AKT3: variants seen among roughly 807,000 people sequenced by gnomAD.
The protein encoded by AKT3 is RAC-gamma serine/threonine-protein kinase.
Under a neutral mutation model 65.3 loss-of-function variants are expected in AKT3, and 15 were observed. The ratio of observed to expected loss-of-function variants is 0.23; its 90% CI spans 0.15 to 0.35. The LOEUF is 0.35. AKT3 is among the 10% of genes least tolerant of loss of function. The pLI is 1.00. For missense variants in AKT3, 243 were observed against 576.5 expected (o/e 0.42, Z 5.92); for synonymous variants, 206 against 183.8 (o/e 1.12, Z -0.98).
At chr1:243,681,347 A>C (rs186398287) in intron 3 of AKT3, among the ~76,000 whole-genome samples, 1 of 152,300 alleles carries the variant, frequency 6.6e-6, no homozygotes, top group East Asian at 1.9e-4. Flanking sequence ...AGAAATAATT[A>C]TCTGCTGCTG....
chr1:243,644,094 T>C (rs1680633640), intron 5 of AKT3, among the ~76,000 whole-genome samples: 1 of 152,230 alleles, frequency 6.6e-6, no homozygotes, highest in African/African-American at 2.4e-5. Context: ...TATAAGATCT[T>C]TTAATTGTAT....
At position 243,655,099 on chromosome 1, in the gene AKT3, T is replaced by C. The variant is rs1572110048; in HGVS notation, c.285-9062A>G. 3.3e-5 allele frequency among the ~76,000 whole-genome samples: 5 copies of C among 152,166 alleles called. No homozygotes were observed. In the South Asian group the frequency reaches 1.0e-3, roughly 31 times the overall value. On this transcript the variant is annotated intron_variant, in intron 4 of 13. Transcript: ENST00000673466. ...TCACCGCATTGTTTTTATCTTACAT[T>C]CTATTCTTAATTATTTTTATTTTCT... is the stretch of plus-strand genomic sequence containing the variant.
intron 13 of AKT3, among the ~76,000 whole-genome samples, chr1:243,509,164 C>T (rs770160763): frequency 2.6e-5 from 4 of 152,162 alleles, no homozygotes; most frequent in Non-Finnish European, 4.4e-5. Flanking sequence ...TATTTAAGAA[C>T]AGAGGTGCTG....
At chr1:243,595,652 T>A (rs1030530366) in intron 8 of AKT3, among the ~76,000 whole-genome samples, 1 of 152,164 alleles carries the variant, frequency 6.6e-6, no homozygotes, top group East Asian at 1.9e-4. Context: ...AAACACAGCA[T>A]ATACGTTAGC....
At position 243,804,846 on chromosome 1, in the gene AKT3, C is replaced by CA. The variant is rs796068774; in HGVS notation, c.46+38278dup. Among the ~76,000 whole-genome samples the CA allele has an allele frequency of 7.6e-3, 844 of 111,500 alleles. 10 individuals carry two copies. Among genetic ancestry groups the CA allele is most frequent in the South Asian group, 0.029 (105 of 3,670 alleles). 73.1% of individuals were successfully genotyped at this position (111,500 alleles called of 152,430 possible). A position where few individuals can be genotyped will look rare whatever the true frequency, so the allele number is the denominator to read the frequency against. On this transcript the variant is annotated intron_variant, in intron 2 of 13. Transcript: ENST00000673466. ...TGGGTGACAGAGCAAGACTCCATCT[C>CA]AAAAAAAAAAAACAAACAAAAAAGA...
At chr1:243,492,672 G>A (rs1666853399) in intron 13 of AKT3, among the ~76,000 whole-genome samples, 1 of 138,702 alleles carries the variant, frequency 7.2e-6, no homozygotes, top group Non-Finnish European at 1.5e-5. Flanking sequence ...CAATGGCATG[G>A]TCTTGGCCTA....
chr1:243,850,713 T>TC (rs1158325664), upstream of AKT3, among the ~76,000 whole-genome samples: 1 of 150,650 alleles, frequency 6.6e-6, no homozygotes, highest in Non-Finnish European at 1.5e-5. Context: ...CCGCCTCTGC[T>TC]CCCCTCCCTG....
At chr1:243,783,704 G>C (rs997411529) in intron 2 of AKT3, among the ~76,000 whole-genome samples, 8 of 152,096 alleles carry the variant, frequency 5.3e-5, no homozygotes, top group African/African-American at 1.9e-4. Context: ...ATAGTCTTCT[G>C]ACTGCTTGAA....
intron 1 of AKT3, among the ~76,000 whole-genome samples, chr1:243,849,091 C>T (rs1695636620): frequency 6.6e-6 from 1 of 152,228 alleles, no homozygotes. Flanking sequence ...GTGACCCCGC[C>T]TCGGCGTCAG....
At chr1:243,492,205 C>T (rs989432487) in intron 13 of AKT3, among the ~76,000 whole-genome samples, 1 of 151,578 alleles carries the variant, frequency 6.6e-6, no homozygotes, top group Admixed American at 6.6e-5. Flanking sequence ...TGCTTTTGGC[C>T]ACGAGAACCC....
chr1:243,670,410 A>G (rs1466683560), intron 3 of AKT3, among the ~76,000 whole-genome samples: 1 of 152,202 alleles, frequency 6.6e-6, no homozygotes, highest in Non-Finnish European at 1.5e-5. Flanking sequence ...AAAACTTTTG[A>G]GTTCTTGCAT....
chr1:243,680,108 CA>C (rs1683813288), intron 3 of AKT3, among the ~76,000 whole-genome samples: 1 of 152,052 alleles, frequency 6.6e-6, no homozygotes, highest in East Asian at 1.9e-4. Flanking sequence ...ACTATTCTGG[CA>C]GGTTTCAAAA....
At chr1:243,744,732 C>T (rs1262407129) in intron 2 of AKT3, among the ~76,000 whole-genome samples, 1 of 144,042 alleles carries the variant, frequency 6.9e-6, no homozygotes, top group East Asian at 2.0e-4. Flanking sequence ...GAGCGAGACT[C>T]CGTCTCAAAA....
chr1:243,562,836 T>C (rs1673892736), intron 10 of AKT3, among the ~76,000 whole-genome samples: 1 of 152,116 alleles, frequency 6.6e-6, no homozygotes, highest in Non-Finnish European at 1.5e-5. Flanking sequence ...TCATACATAG[T>C]GGAGAATAAA....
At chr1:243,507,767 T>C (rs186418843) in intron 13 of AKT3, among the ~76,000 whole-genome samples, 12 of 152,334 alleles carry the variant, frequency 7.9e-5, no homozygotes, top group Non-Finnish European at 1.3e-4. Flanking sequence ...CTTAGAACAT[T>C]TAACAAATGG....
At chr1:243,726,145 T>A (rs893586228) in intron 2 of AKT3, among the ~76,000 whole-genome samples, 1 of 152,238 alleles carries the variant, frequency 6.6e-6, no homozygotes, top group African/African-American at 2.4e-5. Flanking sequence ...CTGGGCATTT[T>A]AACAGATCTT....
chr1:243,775,598 T>C (rs973835389), intron 2 of AKT3, among the ~76,000 whole-genome samples: 1 of 152,146 alleles, frequency 6.6e-6, no homozygotes, highest in Non-Finnish European at 1.5e-5. Context: ...AGACAATGAC[T>C]ACCAAAAACG....
chr1:243,671,323 G>A (rs542118535), intron 3 of AKT3, among the ~76,000 whole-genome samples: 51 of 151,954 alleles, frequency 3.4e-4, no homozygotes, highest in Non-Finnish European at 6.8e-4. Context: ...CTCATGATCC[G>A]CCCACCTCGG....
intron 3 of AKT3, among the ~76,000 whole-genome samples, chr1:243,674,646 A>AAT: frequency 6.6e-6 from 1 of 152,308 alleles, no homozygotes; most frequent in South Asian, 2.1e-4. Flanking sequence ...AAGGTAGTCT[A>AAT]ATACTCTGCT....
Sources: gnomAD v4.1 joint callset for allele counts (sites outside exome capture counted in the v4.1 genomes callset) on GRCh38, gnomAD v4.1.1 for gene constraint, MANE v1.5 for transcripts, NCBI Gene and HGNC (gene_info 2026-07-23, HGNC 2026-07-21) for gene names.